The following PRKCB variants were observed in gnomAD, a reference collection of about 807,000 sequenced individuals.
PRKCB encodes the protein protein kinase C beta.
Under a neutral mutation model 81.5 loss-of-function variants are expected in PRKCB, and 13 were observed. The ratio of observed to expected loss-of-function variants is 0.16; its 90% CI spans 0.10 to 0.25. PRKCB has a LOEUF of 0.25. Ranked by LOEUF, PRKCB falls within the 10% of genes least tolerant of loss-of-function variation. The pLI is 1.00. For synonymous variants in PRKCB, 335 were observed against 321.4 expected (o/e 1.04, Z -0.45); for missense variants, 509 against 875.7 (o/e 0.58, Z 5.29).
chr16:23,859,492 A>T (rs1441052114), intron 2 of PRKCB, among the ~76,000 whole-genome samples: 1 of 152,156 alleles, frequency 6.6e-6, no homozygotes, highest in Admixed American at 6.5e-5. Context: ...TGTAGGCCAG[A>T]CTCATAAATC....
intron 2 of PRKCB, among the ~76,000 whole-genome samples, chr16:23,879,481 CCTTTTTTTTTTTTTTT>C (rs1963070593): frequency 9.0e-6 from 1 of 110,906 alleles, no homozygotes; most frequent in African/African-American, 3.4e-5. Flanking sequence ...CTTTAGCTAT[CCTTTTTTTTTTTTTTT>C]TTTTTTTTTT....
chr16:24,168,959 C>G (rs1967395696), intron 10 of PRKCB, among the ~76,000 whole-genome samples: 1 of 152,060 alleles, frequency 6.6e-6, no homozygotes, highest in East Asian at 1.9e-4. Flanking sequence ...AAACACTTGT[C>G]TGGCTTCAAT....
At chr16:24,055,196 A>G (rs900281678) in intron 5 of PRKCB, among the ~76,000 whole-genome samples, 1 of 152,152 alleles carries the variant, frequency 6.6e-6, no homozygotes, top group Non-Finnish European at 1.5e-5. Context: ...TTTCACAATC[A>G]TCTTCTCCAC....
intron 9 of PRKCB, among the ~76,000 whole-genome samples, chr16:24,132,206 C>T (rs2141936206): frequency 6.6e-6 from 1 of 152,270 alleles, no homozygotes; most frequent in East Asian, 1.9e-4. Context: ...ATCTGTCTCC[C>T]AGGTTATCAG....
intron 5 of PRKCB, among the ~76,000 whole-genome samples, chr16:24,071,678 G>A (rs1478931616): frequency 2.6e-5 from 4 of 152,072 alleles, no homozygotes; most frequent in Non-Finnish European, 5.9e-5. Flanking sequence ...GGCAGTAGCT[G>A]TGGGATGTGG....
chr16:24,043,982 AT>A (rs1965735522), intron 5 of PRKCB, among the ~76,000 whole-genome samples: 2 of 152,206 alleles, frequency 1.3e-5, no homozygotes, highest in South Asian at 4.1e-4. Context: ...ATGTTTATTG[AT>A]GTTTTCTTTG....
intron 2 of PRKCB, among the ~76,000 whole-genome samples, chr16:23,871,386 C>G (rs550570159): frequency 6.6e-6 from 1 of 152,158 alleles, no homozygotes; most frequent in Non-Finnish European, 1.5e-5. Flanking sequence ...GTGCTCCAGG[C>G]ACTCTGCCTT....
chr16:23,997,934 C>T (rs1231197296), intron 3 of PRKCB, among the ~76,000 whole-genome samples: 1 of 152,166 alleles, frequency 6.6e-6, no homozygotes, highest in Non-Finnish European at 1.5e-5. Context: ...TTAACCTTGA[C>T]TGGGCTAAGG....
intron 5 of PRKCB, among the ~76,000 whole-genome samples, chr16:24,070,817 A>G (rs1323542281): frequency 6.6e-6 from 1 of 152,216 alleles, no homozygotes; most frequent in Non-Finnish European, 1.5e-5. Context: ...AGGAAGTCAT[A>G]GTCCCTTCCC....
At chr16:24,110,141 G>GGGAGAGGGA (rs1404372071) in intron 7 of PRKCB, among the ~76,000 whole-genome samples, 28 of 99,852 alleles carry the variant, frequency 2.8e-4, no homozygotes, top group African/African-American at 1.9e-3. Context: ...GAGAGGGAGA[G>GGGAGAGGGA]GAGGGAGAGG....
At chr16:24,210,195 T>C (rs1459401697) in intron 16 of PRKCB, among the ~76,000 whole-genome samples, 1 of 152,150 alleles carries the variant, frequency 6.6e-6, no homozygotes, top group African/African-American at 2.4e-5. Context: ...GTTTCTCATC[T>C]AGCTGAGATG....
intron 9 of PRKCB, among the ~76,000 whole-genome samples, chr16:24,137,934 C>T (rs185954870): frequency 1.3e-5 from 2 of 152,280 alleles, no homozygotes; most frequent in Admixed American, 1.3e-4. Context: ...CATTGAACAC[C>T]ACTGCGGAGA....
At chr16:24,016,203 A>G (rs548361611) in intron 3 of PRKCB, among the ~76,000 whole-genome samples, 1 of 152,180 alleles carries the variant, frequency 6.6e-6, no homozygotes, top group South Asian at 2.1e-4. Context: ...CAAGGTCACC[A>G]TTTCTTCCCA....
At chr16:23,985,779 A>G (rs1315690235) in intron 2 of PRKCB, among the ~76,000 whole-genome samples, 1 of 152,190 alleles carries the variant, frequency 6.6e-6, no homozygotes, top group Non-Finnish European at 1.5e-5. Context: ...AATGTTGAAA[A>G]TAAGGATAAT....
chr16:23,935,072 C>T (rs1314196324), intron 2 of PRKCB, among the ~76,000 whole-genome samples: 1 of 152,078 alleles, frequency 6.6e-6, no homozygotes, highest in East Asian at 1.9e-4. Flanking sequence ...CACAGAGCCA[C>T]CCGGATGATG....
At chr16:24,176,954 C>T (rs1366730060) in intron 12 of PRKCB, among the ~76,000 whole-genome samples, 16 of 151,772 alleles carry the variant, frequency 1.1e-4, no homozygotes, top group Admixed American at 5.9e-4. Flanking sequence ...AAATTCAAGC[C>T]GATGACTTCA....
chr16:23,902,800 TC>T (rs1272756981), intron 2 of PRKCB, among the ~76,000 whole-genome samples: 2 of 13,712 alleles, frequency 1.5e-4, no homozygotes, highest in Admixed American at 1.0e-3. Context: ...CTCCCTCCCT[TC>T]CTTCCTTCCT....
At chr16:23,933,175 TG>T (rs1275027439) in intron 2 of PRKCB, among the ~76,000 whole-genome samples, 1 of 152,182 alleles carries the variant, frequency 6.6e-6, no homozygotes, top group East Asian at 1.9e-4. Context: ...GGACCCAGTT[TG>T]GGTCATGTAG....
intron 2 of PRKCB, among the ~76,000 whole-genome samples, chr16:23,860,062 A>T (rs1485846729): frequency 6.6e-6 from 1 of 152,164 alleles, no homozygotes; most frequent in Non-Finnish European, 1.5e-5. Flanking sequence ...GAAGCAGAAA[A>T]AAAGAGGAAT....
Sources: gnomAD v4.1 joint callset for allele counts (sites outside exome capture counted in the v4.1 genomes callset) on GRCh38, gnomAD v4.1.1 for gene constraint, MANE v1.5 for transcripts, NCBI Gene and HGNC (gene_info 2026-07-23, HGNC 2026-07-21) for gene names.